Variants in RARB observed in about 807,000 individuals in gnomAD.
The protein encoded by RARB is retinoic acid receptor beta, also known as HBV-activated protein.
A neutral mutation model predicts 51.9 loss-of-function variants in RARB; 17 were observed. That is an observed-to-expected ratio of 0.33 (90% confidence interval 0.22 to 0.49). The LOEUF (loss-of-function observed/expected upper bound fraction) is 0.49, where lower values mean the gene tolerates loss of function less well. Ranked by LOEUF, RARB falls within the 20% of genes least tolerant of loss-of-function variation. The probability of loss-of-function intolerance (pLI) is 0.99; values close to 1 mark genes in which losing one functional copy is unlikely to be tolerated. For missense variants in RARB, 369 were observed against 550.8 expected, an observed-to-expected ratio of 0.67 and a Z score of 3.30; for synonymous variants, 215 against 195.4, an observed-to-expected ratio of 1.10 and a Z score of -0.84.
chr3:25,544,331 A>G (rs1028113978), intron 3 of RARB, among the ~76,000 whole-genome samples: 10 of 152,260 alleles, frequency 6.6e-5, no homozygotes, highest in Admixed American at 6.5e-4. Context: ...TAAATTGTCT[A>G]CAGTGAGCCC....
intron 5 of RARB, among the ~76,000 whole-genome samples, chr3:25,212,791 C>A (rs1013382985): frequency 6.6e-6 from 1 of 152,042 alleles, no homozygotes; most frequent in East Asian, 1.9e-4. Context: ...TATTACAAAC[C>A]TATGATTGTT....
At chr3:25,560,563 C>G (rs139242852) in intron 3 of RARB, among the ~76,000 whole-genome samples, 1 of 152,336 alleles carries the variant, frequency 6.6e-6, no homozygotes, top group East Asian at 1.9e-4. Flanking sequence ...TTCAGACAGA[C>G]AGTCCTAACA....
chr3:25,379,705 G>A (rs1706568430), intron 5 of RARB, among the ~76,000 whole-genome samples: 1 of 152,180 alleles, frequency 6.6e-6, no homozygotes, highest in Non-Finnish European at 1.5e-5. Context: ...GTCAAATAGA[G>A]AAGATGTCAC....
intron 2 of RARB, among the ~76,000 whole-genome samples, chr3:25,047,834 A>G (rs1698248272): frequency 6.6e-6 from 1 of 152,168 alleles, no homozygotes; most frequent in Admixed American, 6.5e-5. Context: ...GCAGGATGAT[A>G]TGGTTTTCTG....
At chr3:25,571,097 C>T (rs921048755) in intron 4 of RARB, among the ~76,000 whole-genome samples, 1 of 152,120 alleles carries the variant, frequency 6.6e-6, no homozygotes, top group Non-Finnish European at 1.5e-5. Flanking sequence ...CCAGCACAAA[C>T]CTAGGTGGCT....
rs865940544 is a variant in RARB at position 25,592,182 on chromosome 3, C to A, written c.787-1321C>A. Among the ~76,000 whole-genome samples the A allele has an allele frequency of 1.6e-4, 24 of 152,338 alleles. 2 individuals are homozygous for A. In the South Asian group the frequency reaches 2.9e-3, roughly 18 times the overall value. Reference sequence around the variant, plus strand: ...CCTGTGTCTTCCTCAGAGGCCACTCCTCTCTGCACATGGCTGTGTAACAGG... The same window carrying A: ...CCTGTGTCTTCCTCAGAGGCCACTCATCTCTGCACATGGCTGTGTAACAGG... On this transcript the variant is annotated intron_variant, in intron 5 of 7. Transcript: ENST00000330688.
At chr3:25,489,118 A>C (rs1017011927) in intron 2 of RARB, among the ~76,000 whole-genome samples, 2 of 152,258 alleles carry the variant, frequency 1.3e-5, no homozygotes, top group African/African-American at 4.8e-5. Context: ...GTGTATTTTC[A>C]TATAGCATGG....
chr3:25,593,887 G>A (rs1701711651), intron 6 of RARB, among the ~76,000 whole-genome samples, 180 bp downstream of exon 6: 1 of 152,082 alleles, frequency 6.6e-6, no homozygotes, highest in African/African-American at 2.4e-5. Context: ...TTAACTAATG[G>A]TATTTGGGAT....
rs535348603 is a variant in RARB, at chr3:25,440,791, A to T, written c.157+11903A>T. On this transcript the variant is annotated intron_variant, in intron 1 of 7. Coordinates refer to ENST00000330688, the MANE Select transcript of RARB (RefSeq NM_000965.5). ...CCGTCCCCCCCAAAAATAAAAAATT[A>T]AAAAAAAATCCAAATGCTAGCATTG... Among the ~76,000 whole-genome samples the T allele has an allele frequency of 9.5e-4, 144 of 151,814 alleles. 1 individual carries two copies. The highest frequency in any genetic ancestry group is 2.0e-3 in the African/African-American group (83 of 41,356).
chr3:25,590,752 G>A (rs1378524245), intron 5 of RARB, among the ~76,000 whole-genome samples: 2 of 152,208 alleles, frequency 1.3e-5, no homozygotes, highest in African/African-American at 2.4e-5. Context: ...GTTCCTGACT[G>A]CAGATGATCT....
intron 2 of RARB, among the ~76,000 whole-genome samples, chr3:25,488,188 C>A (rs185859402): frequency 2.7e-4 from 41 of 152,306 alleles, no homozygotes; most frequent in African/African-American, 9.6e-4. Flanking sequence ...TCATGATTTA[C>A]GGGGGCCCGG....
At chr3:25,559,099 C>A (rs948150901) in intron 3 of RARB, among the ~76,000 whole-genome samples, 13 of 152,162 alleles carry the variant, frequency 8.5e-5, no homozygotes, top group African/African-American at 3.1e-4. Flanking sequence ...AGACCCCATC[C>A]TTTAAAGGCC....
chr3:25,428,473 T>G lies in RARB; in HGVS notation c.-259T>G. 1 of 1,269,872 alleles carries G rather than the reference T, an allele frequency of 7.9e-7. No homozygotes were observed. The highest frequency in any genetic ancestry group is 3.1e-5 in the South Asian group (1 of 31,766). The allele number at this position is 1,269,872 out of a possible 1,614,324, so 78.7% of individuals were successfully genotyped here. ...CAAGCATTTACTTGGAAGGAGAACT[T>G]GGGATCTTTCTGGGAACCCCCCGCC... is the stretch of plus-strand genomic sequence containing the variant. On this transcript the variant is annotated 5_prime_UTR_variant, in exon 1 of 8. Transcript: ENST00000330688.
At chr3:25,515,164 A>G (rs183733540) in intron 3 of RARB, among the ~76,000 whole-genome samples, 1 of 152,236 alleles carries the variant, frequency 6.6e-6, no homozygotes, top group African/African-American at 2.4e-5. Context: ...TGTTTTTACA[A>G]ATAGTGCCTT....
chr3:25,108,005 G>C (rs933144061), intron 3 of RARB, among the ~76,000 whole-genome samples: 1 of 152,004 alleles, frequency 6.6e-6, no homozygotes, highest in East Asian at 1.9e-4. Context: ...GTAAAATAAG[G>C]TTTACTTGAA....
At chr3:25,273,403 T>C (rs948737196) in intron 5 of RARB, among the ~76,000 whole-genome samples, 5 of 152,186 alleles carry the variant, frequency 3.3e-5, no homozygotes, top group African/African-American at 4.8e-5. Context: ...GTGAAAGTTA[T>C]ATTTATCATG....
chr3:25,377,678 C>CA (rs1302370514), intron 5 of RARB, among the ~76,000 whole-genome samples: 9 of 152,100 alleles, frequency 5.9e-5, no homozygotes, highest in Non-Finnish European at 1.0e-4. Context: ...TGGGGAGACA[C>CA]AATTTCCAAA....
chr3:25,478,041 C>T (rs1374460364), intron 2 of RARB, among the ~76,000 whole-genome samples: 1 of 152,164 alleles, frequency 6.6e-6, no homozygotes, highest in Admixed American at 6.5e-5. Flanking sequence ...CTTGGGCCTC[C>T]TTACAAAATG....
chr3:25,367,652 T>TAAAA (rs34629828), intron 5 of RARB, among the ~76,000 whole-genome samples: 7 of 139,308 alleles, frequency 5.0e-5, no homozygotes, highest in African/African-American at 1.9e-4. Flanking sequence ...CCCATCTCTA[T>TAAAA]AAAAAAAAAA....
Sources: gnomAD v4.1 joint callset for allele counts (sites outside exome capture counted in the v4.1 genomes callset) on GRCh38, gnomAD v4.1.1 for gene constraint, MANE v1.5 for transcripts, NCBI Gene and HGNC (gene_info 2026-07-23, HGNC 2026-07-21) for gene names.